ATP2A1: variants seen among roughly 807,000 people sequenced by gnomAD.
The protein encoded by ATP2A1 is ATPase sarcoplasmic/endoplasmic reticulum Ca2+ transporting 1.
Under a neutral mutation model 109.5 loss-of-function variants are expected in ATP2A1, and 83 were observed. That is an observed-to-expected ratio of 0.76 (90% CI 0.63 to 0.91). The LOEUF is 0.91. Among genes scored for constraint, ATP2A1 ranks in the 40% least tolerant of loss-of-function variants. ATP2A1 has a pLI of 0.00. For missense variants in ATP2A1, 1,101 were observed against 1,341.0 expected, an observed-to-expected ratio of 0.82 and a Z score of 2.80; for synonymous variants, 505 against 537.6, an observed-to-expected ratio of 0.94 and a Z score of 0.84.
At chr16:28,879,748 C>T in intron 3 of ATP2A1, 165 bp downstream of exon 3, 1 of 832,940 alleles carries the variant, frequency 1.2e-6, no homozygotes, top group Non-Finnish European at 2.0e-6. Context: ...GTCCTCCTCT[C>T]TCCTCCCCTG....
At chr16:28,887,872 C>A in intron 8 of ATP2A1, 150 bp downstream of exon 8, 1 of 1,061,656 alleles carries the variant, frequency 9.4e-7, no homozygotes, top group East Asian at 2.6e-5. Flanking sequence ...GTGATCTCGG[C>A]TCACTGCAAG....
chr16:28,890,840 C>T (rs984673053), intron 9 of ATP2A1, among the ~76,000 whole-genome samples: 1 of 152,056 alleles, frequency 6.6e-6, no homozygotes, highest in African/African-American at 2.4e-5. Context: ...CACGCACCAT[C>T]ACACCCAGCT....
At chr16:28,887,860 G>A (rs1293435374) in intron 8 of ATP2A1, 138 bp downstream of exon 8, 2 of 1,151,142 alleles carry the variant, frequency 1.7e-6, no homozygotes, top group East Asian at 2.5e-5. Flanking sequence ...GAGTGCAGTG[G>A]CGTGATCTCG....
In ATP2A1 at chr16:28,901,821, T is replaced by C. The variant is rs772164563; in HGVS notation, c.2101-42T>C. ...TAAAACCTTTTTTAAAAAGGAGGGATGTGTGAAGGTGCCCTAAGCCCACCT... is the reference window on the plus strand; with the variant it reads ...TAAAACCTTTTTTAAAAAGGAGGGACGTGTGAAGGTGCCCTAAGCCCACCT... On this transcript the variant is annotated intron_variant, in intron 15 of 22. Transcript: ENST00000395503. 2.4e-5 allele frequency: 36 copies of C among 1,524,972 alleles called. No individual in the cohort carries two copies. In the East Asian group the frequency reaches 7.9e-4, roughly 34 times the overall value. 94.5% of individuals were successfully genotyped at this position (1,524,972 alleles called of 1,614,324 possible).
At position 28,903,431 on chromosome 16, in the gene ATP2A1, T is replaced by C. The variant is rs1165591642; in HGVS notation, c.2971T>C (p.Tyr991His). Residue 991 changes from tyrosine (Y) to histidine (H), a missense_variant, in exon 21 of 23, where the codon TAC becomes CAC. By Grantham distance (83) the Tyr-to-His change is moderately conservative (BLOSUM62 2). Coordinates refer to ENST00000395503, the MANE Select transcript of ATP2A1 (RefSeq NM_004320.6). This position sits in a 1 kb window ranked among gnomAD's most constrained non-coding sequence, Gnocchi z 5.6. ...DEILKFVARN[Y>H]LEG ...AATCCTCAAGTTCGTTGCTCGGAACTACCTAGAGGGTAAGGAGTGCCCTCT... is the reference window on the plus strand; with the variant it reads ...AATCCTCAAGTTCGTTGCTCGGAACCACCTAGAGGGTAAGGAGTGCCCTCT... The C allele has an allele frequency of 6.2e-7, 1 of 1,613,298 alleles. No homozygotes were observed. The highest frequency in any genetic ancestry group is 1.3e-5 in the African/African-American group (1 of 74,980).
chr16:28,888,325 G>A (rs945166363), intron 8 of ATP2A1, among the ~76,000 whole-genome samples: 5 of 151,858 alleles, frequency 3.3e-5, no homozygotes, highest in African/African-American at 4.8e-5. Flanking sequence ...GAGCCACCAC[G>A]CCTGGCCCAA....
intron 3 of ATP2A1, chr16:28,879,887 C>G: frequency 1.5e-6 from 1 of 663,884 alleles, no homozygotes; most frequent in Non-Finnish European, 2.0e-6. Flanking sequence ...GGCTCCGGGT[C>G]CCGCCGCGAT....
At position 28,902,790 on chromosome 16, in the gene ATP2A1, C is replaced by G; in HGVS notation, c.2623C>G (p.Gln875Glu). ...ACCTTCCCTGCAGACTCACTTCATG[C>G]AGTGCACCGAGGACAACACCCACTT... The part of the protein sequence containing the change: ...VNYSQLTHFM[Q>E]CTEDNTHFEG... The change falls in exon 19 of 23, where the codon CAG becomes GAG. Residue 875 changes from glutamine (Q) to glutamate (E), a missense_variant. Gln to Glu is a conservative substitution (Grantham distance 29). Coordinates refer to ENST00000395503, the MANE Select transcript of ATP2A1 (RefSeq NM_004320.6). This position sits in a 1 kb window ranked among gnomAD's most constrained non-coding sequence, Gnocchi z 4.8. The G allele has an allele frequency of 6.2e-7, 1 of 1,613,822 alleles. No homozygotes were observed. Among genetic ancestry groups the G allele is most frequent in the Non-Finnish European group, 8.5e-7 (1 of 1,179,900 alleles).
chr16:28,895,518 A>G (rs1190684209), intron 12 of ATP2A1, among the ~76,000 whole-genome samples: 1 of 151,958 alleles, frequency 6.6e-6, no homozygotes, highest in African/African-American at 2.4e-5. Context: ...GCTCATTGCT[A>G]CTTTATTTAA....
Position 28,900,595 on chromosome 16 carries a change from C to T in ATP2A1, c.1779C>T (p.Phe593=), listed in dbSNP as rs746872537. The change falls in exon 15 of 23, where the codon TTC becomes TTT. Residue 593 remains phenylalanine (F), a synonymous_variant. Coordinates refer to ENST00000395503, the MANE Select transcript of ATP2A1 (RefSeq NM_004320.6). ...TATCTCCCCAGACGGACCTGACATT[C>T]GTGGGTGTAGTGGGCATGCTGGACC... ...RFLEYETDLT[F]VGVVGMLDPP... is the part of the protein sequence containing the mutation. 3.8e-6 allele frequency: 6 copies of T among 1,567,288 alleles called. No homozygotes were observed. The highest frequency in any genetic ancestry group is 3.5e-5 in the Admixed American group (2 of 57,582).
In ATP2A1 at chr16:28,880,413, C is replaced by T. The variant is rs1963432251; in HGVS notation, c.220-502C>T. Among the ~76,000 whole-genome samples, 1 of 152,262 alleles carries T rather than the reference C, an allele frequency of 6.6e-6. No individual in the cohort carries two copies. Among genetic ancestry groups the T allele is most frequent in the South Asian group, 2.1e-4 (1 of 4,836 alleles). ...TTTGCTCCTTGACATTTGCCTGCTG[C>T]CTGGCGGTGGCAACAGCTGGGGCGG... On this transcript the variant is annotated intron_variant, in intron 3 of 22. Coordinates refer to ENST00000395503, the MANE Select transcript of ATP2A1 (RefSeq NM_004320.6). The surrounding 1 kb of genome is among the most constrained non-coding windows in gnomAD (Gnocchi z 4.2).
Position 28,888,873 on chromosome 16 carries a change from G to C in ATP2A1, c.1015G>C (p.Val339Leu), listed in dbSNP as rs770299228. Reference sequence around the variant, plus strand: ...TGCCATTGTAAGAAGCTTGCCCTCCGTAGAGACCCTGGGCTGCACCTCTGT... The same window carrying C: ...TGCCATTGTAAGAAGCTTGCCCTCCCTAGAGACCCTGGGCTGCACCTCTGT... ...KNAIVRSLPSVETLGCTSVIC... is the reference protein window; with the variant it reads ...KNAIVRSLPSLETLGCTSVIC... The change falls in exon 9 of 23, where the codon GTA becomes CTA. Residue 339 changes from valine (V) to leucine (L), a missense_variant. Coordinates refer to ENST00000395503, the MANE Select transcript of ATP2A1 (RefSeq NM_004320.6). The C allele has an allele frequency of 6.2e-7, 1 of 1,613,172 alleles. No individual in the cohort carries two copies. The highest frequency in any genetic ancestry group is 1.1e-5 in the South Asian group (1 of 91,062).
At chr16:28,900,536 T>G in intron 14 of ATP2A1, 45 bp from the exon 15 acceptor site, 1 of 1,512,764 alleles carries the variant, frequency 6.6e-7, no homozygotes, top group Non-Finnish European at 8.8e-7. Context: ...AGGGGAGTTT[T>G]CCAGATCCCC....
intron 22 of ATP2A1, 40 bp from the exon 23 acceptor site, chr16:28,904,140 C>T (rs1396774383): frequency 6.4e-7 from 1 of 1,569,724 alleles, no homozygotes; most frequent in Non-Finnish European, 8.8e-7. Flanking sequence ...CCTCGCTGCC[C>T]TCCTGCCGCC....
Position 28,896,442 on chromosome 16 carries a change from T to G in ATP2A1, c.1419+1489T>G, listed in dbSNP as rs185859907. ...GAGTTTTTTTTTTTGAGACGGAGTC[T>G]CTCTGCTTTGCCCAGGCTGAAGTGC... On this transcript the variant is annotated intron_variant, in intron 12 of 22. Coordinates refer to ENST00000395503, the MANE Select transcript of ATP2A1 (RefSeq NM_004320.6). Among the ~76,000 whole-genome samples the G allele has an allele frequency of 2.6e-3, 400 of 151,852 alleles. 2 individuals are homozygous for G. The highest frequency in any genetic ancestry group is 9.1e-3 in the African/African-American group (378 of 41,376).
In ATP2A1 at chr16:28,880,797, C is replaced by T. The variant is rs1436807673; in HGVS notation, c.220-118C>T. The T allele has an allele frequency of 2.0e-6, 2 of 1,000,250 alleles. No individual in the cohort carries two copies. Among genetic ancestry groups the T allele is most frequent in the Admixed American group, 3.8e-5 (2 of 53,256 alleles). The allele number at this position is 1,000,250 out of a possible 1,614,324, so 62.0% of individuals were successfully genotyped here. On this transcript the variant is annotated intron_variant, in intron 3 of 22. Coordinates refer to ENST00000395503, the MANE Select transcript of ATP2A1 (RefSeq NM_004320.6). This position sits in a 1 kb window ranked among gnomAD's most constrained non-coding sequence, Gnocchi z 4.2. ...GCCACAGCGCCCCGACGGTGCCCGG[C>T]CCTCCTGCTGGCTCCTGCACTCTCC...
chr16:28,900,097 C>A (rs1369204264), intron 14 of ATP2A1, among the ~76,000 whole-genome samples: 1 of 151,642 alleles, frequency 6.6e-6, no homozygotes, highest in African/African-American at 2.4e-5. Flanking sequence ...GAGTTTGAGA[C>A]CAGCCTGGGC....
At chr16:28,895,729 G>A (rs560197638) in intron 12 of ATP2A1, among the ~76,000 whole-genome samples, 2 of 151,970 alleles carry the variant, frequency 1.3e-5, no homozygotes, top group East Asian at 3.9e-4. Context: ...GTTGGGTGTG[G>A]TGGTGCAAAA....
chr16:28,889,573 G>C (rs1322060884), intron 9 of ATP2A1, among the ~76,000 whole-genome samples: 1 of 152,112 alleles, frequency 6.6e-6, no homozygotes, highest in East Asian at 1.9e-4. Context: ...TCCTTTTTTA[G>C]AGGAGGAAAA....
Sources: gnomAD v4.1 joint callset for allele counts (sites outside exome capture counted in the v4.1 genomes callset) on GRCh38, gnomAD v4.1.1 for gene constraint, Gnocchi (gnomAD v3.1) non-coding constraint, MANE v1.5 for transcripts, NCBI Gene and HGNC (gene_info 2026-07-23, HGNC 2026-07-21) for gene names.